The following ENG variants were observed in gnomAD, a reference collection of about 807,000 sequenced individuals.
The protein encoded by ENG is endoglin, also known as CD105 antigen.
In ENG, 17 loss-of-function variants were observed where a neutral mutation model predicts 71.0. The ratio of observed to expected loss-of-function variants is 0.24; its 90% CI spans 0.16 to 0.36. ENG has a LOEUF of 0.36. ENG is among the 10% of genes least tolerant of loss of function. The pLI is 1.00. For missense variants in ENG, 749 were observed against 868.3 expected (o/e 0.86, Z 1.73); for synonymous variants, 360 against 366.9 (o/e 0.98, Z 0.21).
chr9:127,815,893 G>A, intron 14 of ENG, 50 bp downstream of exon 14: 2 of 1,570,724 alleles, frequency 1.3e-6, no homozygotes, highest in South Asian at 1.2e-5. Context: ...GGCTCCCCCG[G>A]GTGGATGGAG....
At chr9:127,820,746 G>A (rs1022804545) in intron 8 of ENG, among the ~76,000 whole-genome samples, 49 of 151,444 alleles carry the variant, frequency 3.2e-4, no homozygotes, top group African/African-American at 1.0e-3. Context: ...GGAAAATGGC[G>A]TGAGCCCGGG....
rs953652893 is a variant in ENG at position 127,815,340 on chromosome 9, A to T, written c.*342T>A. 7.0e-6 allele frequency: 2 copies of T among 284,876 alleles called. No homozygotes were observed. The highest frequency in any genetic ancestry group is 9.6e-5 in the Admixed American group (2 of 20,856). 17.6% of individuals were successfully genotyped at this position (284,876 alleles called of 1,614,324 possible). A position where few individuals can be genotyped will look rare whatever the true frequency, so the allele number is the denominator to read the frequency against. ...GCTGGGCTGGCCTGAATCTGTTTCA[A>T]GTTCTCCCTTCCTGCCCAGCTCAGT... On this transcript the variant is annotated 3_prime_UTR_variant, in exon 15 of 15. Coordinates refer to ENST00000373203, the MANE Select transcript of ENG (RefSeq NM_001114753.3).
chr9:127,824,479 G>A, intron 7 of ENG, 33 bp from the exon 8 acceptor site: 5 of 1,603,700 alleles, frequency 3.1e-6, no homozygotes, highest in Non-Finnish European at 4.3e-6. Flanking sequence ...CAGGCGGCTG[G>A]TCACTGTGTG....
Position 127,821,975 on chromosome 9 carries a change from G to A in ENG, c.1135-1938C>T, listed in dbSNP as rs564409917. On this transcript the variant is annotated intron_variant, in intron 8 of 14. Transcript: ENST00000373203. ...TGAGGCAGGAGAATCACTTGAACCCGGGAGGTGGAGGTTGCAGTGAGCCGA... is the reference window on the plus strand; with the variant it reads ...TGAGGCAGGAGAATCACTTGAACCCAGGAGGTGGAGGTTGCAGTGAGCCGA... Among the ~76,000 whole-genome samples, 650 of 151,782 alleles carry A rather than the reference G, an allele frequency of 4.3e-3. 2 individuals carry two copies. The highest frequency in any genetic ancestry group is 0.015 in the African/African-American group (624 of 41,364).
At chr9:127,837,422 T>C (rs1390239514) in intron 2 of ENG, among the ~76,000 whole-genome samples, 1 of 152,100 alleles carries the variant, frequency 6.6e-6, no homozygotes, top group Non-Finnish European at 1.5e-5. Context: ...CCTGGAGAGA[T>C]ATGCTTCTTC....
chr9:127,817,036 G>T, intron 13 of ENG, 113 bp downstream of exon 13: 1 of 1,265,950 alleles, frequency 7.9e-7, no homozygotes, highest in African/African-American at 1.5e-5. Flanking sequence ...CGCTTTCTCT[G>T]GGGTCCCCCT....
Position 127,826,528 on chromosome 9 carries a change from G to T in ENG, c.505C>A (p.Leu169Ile). ...AAELNDPQSI[L>I]LRLGQAQGSL... ...AACTGACCTTGGCCCAGTCGGAGGA[G>T]GATGCTCTGGGGGTCATTCAGCTCA... Residue 169 changes from leucine to isoleucine, a missense_variant, in exon 4 of 15, where the codon CTC (leucine) becomes ATC (isoleucine). Physicochemically the swap from Leu to Ile is conservative, Grantham distance 5. Transcript: ENST00000373203. 1.2e-6 allele frequency: 2 copies of T among 1,614,132 alleles called. No individual in the cohort carries two copies. The highest frequency in any genetic ancestry group is 1.7e-6 in the Non-Finnish European group (2 of 1,179,990).
chr9:127,816,872 G>A, intron 13 of ENG: 1 of 545,606 alleles, frequency 1.8e-6, no homozygotes. Context: ...CAATAACTGT[G>A]GGGATGGAGT....
chr9:127,832,324 C>G (rs1016683209), intron 2 of ENG, among the ~76,000 whole-genome samples: 4 of 152,064 alleles, frequency 2.6e-5, no homozygotes, highest in Admixed American at 1.3e-4. Flanking sequence ...ATCTGCCCGC[C>G]TCGGCCTCCC....
chr9:127,835,892 C>T (rs1830890282), intron 2 of ENG, among the ~76,000 whole-genome samples: 1 of 152,120 alleles, frequency 6.6e-6, no homozygotes, highest in Non-Finnish European at 1.5e-5. Context: ...GCTCACGAAC[C>T]AAAGCTACCA....
chr9:127,826,608 G>T lies in ENG; in HGVS notation c.425C>A (p.Pro142His). ...TGCCCACTCAAGGATCTGGGTCTTG[G>T]GGAAGGATGGCAGCTCTGTGGTGTT... Reference protein sequence around the residue: ...GVNTTELPSFPKTQILEWAAE... With the variant: ...GVNTTELPSFHKTQILEWAAE... The change falls in exon 4 of 15, where the codon CCC (proline) becomes CAC (histidine). Residue 142 changes from proline to histidine, a missense_variant. By Grantham distance (77) the Pro-to-His change is moderately conservative. Transcript: ENST00000373203. 3.7e-6 allele frequency: 6 copies of T among 1,614,082 alleles called. No individual in the cohort carries two copies. Among genetic ancestry groups the T allele is most frequent in the Non-Finnish European group, 4.2e-6 (5 of 1,180,008 alleles).
rs528636389 is a variant in ENG, at chr9:127,847,104, C to A, written c.68-3859G>T. 1.7e-3 allele frequency: 385 copies of A among 222,948 alleles called. 1 individual carries two copies. Among genetic ancestry groups the A allele is most frequent in the Non-Finnish European group, 2.6e-3 (339 of 132,880 alleles). The allele number at this position is 222,948 out of a possible 1,614,324, so 13.8% of individuals were successfully genotyped here. A position where few individuals can be genotyped will look rare whatever the true frequency, so the allele number is the denominator to read the frequency against. On this transcript the variant is annotated intron_variant, in intron 1 of 14. Coordinates refer to ENST00000373203, the MANE Select transcript of ENG (RefSeq NM_001114753.3). ...CAATAATCACTGCAGATGCTCCCATCATGCTTACTGGGAGCCTAGGCAGCT... is the reference window on the plus strand; with the variant it reads ...CAATAATCACTGCAGATGCTCCCATAATGCTTACTGGGAGCCTAGGCAGCT...
chr9:127,843,660 C>T (rs368788115), intron 1 of ENG, among the ~76,000 whole-genome samples: 1 of 134,952 alleles, frequency 7.4e-6, no homozygotes, highest in African/African-American at 2.8e-5. Flanking sequence ...CATACACACA[C>T]ATATACATAG....
chr9:127,818,517 G>T, intron 11 of ENG, 140 bp from the exon 12 acceptor site: 1 of 1,490,360 alleles, frequency 6.7e-7, no homozygotes, highest in Non-Finnish European at 9.1e-7. Flanking sequence ...ACCTGTCTGG[G>T]GCAGAGGAGG....
In ENG at chr9:127,846,789, G is replaced by A. The variant is rs1034283656; in HGVS notation, c.68-3544C>T. The stretch of plus-strand genomic sequence containing the variant: ...ACCAAGGGAAACGCCAGGGCCTCCC[G>A]GGACTGGGTCAGAGGAGGAGCCGCT... On this transcript the variant is annotated intron_variant, in intron 1 of 14. Coordinates refer to ENST00000373203, the MANE Select transcript of ENG (RefSeq NM_001114753.3). This position sits in a 1 kb window ranked among gnomAD's most constrained non-coding sequence, Gnocchi z 5.5. Among the ~76,000 whole-genome samples the A allele has an allele frequency of 7.9e-5, 12 of 152,022 alleles. No individual in the cohort carries two copies. Among genetic ancestry groups the A allele is most frequent in the Non-Finnish European group, 1.6e-4 (11 of 68,008 alleles).
intron 8 of ENG, among the ~76,000 whole-genome samples, chr9:127,820,648 G>A (rs988330097): frequency 2.0e-5 from 3 of 150,648 alleles, no homozygotes; most frequent in African/African-American, 7.3e-5. Context: ...CTAACATGAT[G>A]AAACCCCGTC....
rs11545665 is a variant in ENG, at chr9:127,843,194, C to T, written c.119G>A (p.Gly40Asp). The change falls in exon 2 of 15, where the codon GGC (glycine) becomes GAC (aspartate). Residue 40 changes from glycine to aspartate, a missense_variant. Gly to Asp is a moderately conservative substitution (Grantham distance 94). Coordinates refer to ENST00000373203, the MANE Select transcript of ENG (RefSeq NM_001114753.3). ...CDLQPVGPER[G>D]EVTYTTSQVS... ...CTGGCTAGTGGTATATGTCACCTCG[C>T]CCCTCTCGGGGCCCACAGGCTGAAG... The T allele has an allele frequency of 3.1e-6, 5 of 1,614,250 alleles. No homozygotes were observed. Among genetic ancestry groups the T allele is most frequent in the South Asian group, 1.1e-5 (1 of 91,092 alleles).
rs201359896 is a variant in ENG at position 127,820,044 on chromosome 9, C to T, written c.1135-7G>A. 85 of 1,613,346 alleles carry T rather than the reference C, an allele frequency of 5.3e-5. No homozygotes were observed. In the East Asian group the frequency reaches 1.6e-3, roughly 30 times the overall value. ...TGATGGTGCACTTCAAATGCTGGGT[C>T]GGAAGAGAGGGGCACCATCAGGAGG... On this transcript the variant is annotated splice_polypyrimidine_tract_variant and splice_region_variant and intron_variant, in intron 8 of 14. Coordinates refer to ENST00000373203, the MANE Select transcript of ENG (RefSeq NM_001114753.3).
In ENG at chr9:127,817,156, G is replaced by T; in HGVS notation, c.1734C>A (p.Asp578Glu). The change falls in exon 13 of 15, where the codon GAC (aspartate) becomes GAA (glutamate). Residue 578 changes from aspartate to glutamate, a missense_variant. Physicochemically the swap from Asp to Glu is conservative, Grantham distance 45. Transcript: ENST00000373203. The stretch of plus-strand genomic sequence containing the variant: ...GACCTGGAGGGAGCTCACCAGACAG[G>T]TCAGGGCTGATGATGTTCAAGCGCA... ...VFMRLNIISP[D>E]LSGCTSKGLV... 1 of 1,614,212 alleles carries T rather than the reference G, an allele frequency of 6.2e-7. No homozygotes were observed.
Sources: gnomAD v4.1 joint callset for allele counts (sites outside exome capture counted in the v4.1 genomes callset) on GRCh38, gnomAD v4.1.1 for gene constraint, Gnocchi (gnomAD v3.1) non-coding constraint, MANE v1.5 for transcripts, NCBI Gene and HGNC (gene_info 2026-07-23, HGNC 2026-07-21) for gene names.